Variants in NPHP4 observed in about 807,000 individuals in gnomAD.
NPHP4 encodes the protein nephrocystin-4.
In NPHP4, 151 loss-of-function variants were observed where a neutral mutation model predicts 155.8. That is an observed-to-expected ratio of 0.97 (90% CI 0.85 to 1.11). NPHP4 has a LOEUF of 1.11. NPHP4 is among the 50% of genes least tolerant of loss of function. NPHP4 has a pLI of 0.00. For missense variants in NPHP4, 1,956 were observed against 1,925.7 expected, an observed-to-expected ratio of 1.02 and a Z score of -0.29; for synonymous variants, 845 against 816.8, an observed-to-expected ratio of 1.03 and a Z score of -0.59.
At chr1:5,883,751 C>T (rs953142745) in intron 18 of NPHP4, among the ~76,000 whole-genome samples, 4 of 152,304 alleles carry the variant, frequency 2.6e-5, no homozygotes, top group Non-Finnish European at 4.4e-5. Flanking sequence ...TTCCCTGAAT[C>T]GCAGACGAGG....
At chr1:5,873,921 C>T (rs959824916) in intron 22 of NPHP4, 8 of 212,446 alleles carry the variant, frequency 3.8e-5, no homozygotes, top group East Asian at 3.2e-4. Flanking sequence ...CTCCTGCACG[C>T]GTGCCTCACA....
intron 2 of NPHP4, among the ~76,000 whole-genome samples, chr1:5,982,079 T>A (rs996241298): frequency 2.0e-5 from 3 of 152,230 alleles, no homozygotes; most frequent in African/African-American, 7.2e-5. Flanking sequence ...GATGCTTCTT[T>A]CATTTTAATA....
chr1:5,883,062 C>T (rs935995098), intron 18 of NPHP4, among the ~76,000 whole-genome samples: 6 of 149,308 alleles, frequency 4.0e-5, no homozygotes, highest in African/African-American at 1.5e-4. Flanking sequence ...GCTTTCATCA[C>T]TCTCTCCACC....
chr1:5,913,794 A>C (rs1645312340), intron 11 of NPHP4, among the ~76,000 whole-genome samples: 1 of 152,222 alleles, frequency 6.6e-6, no homozygotes, highest in Non-Finnish European at 1.5e-5. Context: ...AATAATGCTC[A>C]AATATACTCA....
At position 5,863,331 on chromosome 1, in the gene NPHP4, C is replaced by G; in HGVS notation, c.4215G>C (p.Leu1405=). The G allele has an allele frequency of 6.2e-7, 1 of 1,613,992 alleles. No individual in the cohort carries two copies. The change falls in exon 30 of 30, where the codon CTG becomes CTC. Residue 1405 remains leucine, a synonymous_variant. Transcript: ENST00000378156. ...TGTCCTCATGGTCATTGATGTAGAT[C>G]AGGATCTCCTCCTCACCCACTCTCT... is the stretch of plus-strand genomic sequence containing the variant. ...PSQRVGEEEI[L]IYINDHEDKN... is the part of the protein sequence containing the mutation.
At chr1:5,950,489 G>A (rs2101972195) in intron 7 of NPHP4, among the ~76,000 whole-genome samples, 1 of 152,342 alleles carries the variant, frequency 6.6e-6, no homozygotes, top group Middle Eastern at 3.4e-3. Context: ...GATCTTTAAA[G>A]CCATACCCTT....
At chr1:5,875,133 C>G in intron 20 of NPHP4, 33 bp from the exon 21 acceptor site, 1 of 1,510,342 alleles carries the variant, frequency 6.6e-7, no homozygotes, top group Non-Finnish European at 9.0e-7. Flanking sequence ...GGACAGGGTC[C>G]CAGGCACACT....
chr1:5,899,112 A>G (rs1174099929), intron 16 of NPHP4, among the ~76,000 whole-genome samples: 3 of 152,178 alleles, frequency 2.0e-5, no homozygotes, highest in Non-Finnish European at 4.4e-5. Flanking sequence ...GCACGAGGGA[A>G]ACCTGCTTGG....
rs1640880415 is a variant in NPHP4 at position 5,863,727 on chromosome 1, A to G, written c.4140+163T>C. 30 of 722,934 alleles carry G rather than the reference A, an allele frequency of 4.1e-5. No homozygotes were observed. The South Asian group carries it at 4.9e-4, about 12-fold the overall frequency. The allele number at this position is 722,934 out of a possible 1,614,324, so 44.8% of individuals were successfully genotyped here. ...TTTGCTAAATCTCCAGCTACTAAAG[A>G]TACAACGGGCCCACCCAACTATGGG... On this transcript the variant is annotated intron_variant, in intron 29 of 29. Transcript: ENST00000378156.
intron 9 of NPHP4, among the ~76,000 whole-genome samples, chr1:5,946,109 C>T (rs562928943): frequency 2.6e-5 from 4 of 152,320 alleles, no homozygotes; most frequent in African/African-American, 9.6e-5. Flanking sequence ...ATATGCAGGA[C>T]AAAACCTAGT....
At chr1:5,912,089 C>T (rs1294641841) in intron 11 of NPHP4, among the ~76,000 whole-genome samples, 2 of 152,298 alleles carry the variant, frequency 1.3e-5, no homozygotes, top group Middle Eastern at 6.8e-3. Flanking sequence ...GGCAGCGCTG[C>T]GACAACAGCA....
chr1:5,986,906 G>A (rs577717418), intron 1 of NPHP4, among the ~76,000 whole-genome samples: 1 of 152,034 alleles, frequency 6.6e-6, no homozygotes, highest in Non-Finnish European at 1.5e-5. Flanking sequence ...TACAGTCCTA[G>A]CGTTAAGACT....
At chr1:5,978,195 G>A (rs1416636765) in intron 3 of NPHP4, 75 bp downstream of exon 3, 1 of 1,421,484 alleles carries the variant, frequency 7.0e-7, no homozygotes, top group Non-Finnish European at 9.6e-7. Context: ...CCCAGTCTCT[G>A]GGCTGCCACC....
At chr1:5,869,263 A>T (rs1641743996) in intron 23 of NPHP4, among the ~76,000 whole-genome samples, 2 of 147,892 alleles carry the variant, frequency 1.4e-5, no homozygotes, top group South Asian at 4.4e-4. Context: ...ATGCACACCC[A>T]CATGCATGCA....
chr1:5,902,788 C>T (rs1208598285), intron 16 of NPHP4, among the ~76,000 whole-genome samples: 1 of 152,180 alleles, frequency 6.6e-6, no homozygotes, highest in African/African-American at 2.4e-5. Flanking sequence ...ATTATTTTGT[C>T]ATTCAGTTTT....
intron 6 of NPHP4, among the ~76,000 whole-genome samples, chr1:5,954,585 C>T (rs1648821849): frequency 6.6e-6 from 1 of 152,160 alleles, no homozygotes; most frequent in African/African-American, 2.4e-5. Flanking sequence ...GCCAAGAACA[C>T]GCACTGGGGA....
chr1:5,972,901 T>C (rs1024025100), intron 3 of NPHP4, among the ~76,000 whole-genome samples: 1 of 151,988 alleles, frequency 6.6e-6, no homozygotes, highest in African/African-American at 2.4e-5. Context: ...TTTTCTTTTT[T>C]TTGACAGAGT....
chr1:5,918,558 C>T (rs913329296), intron 11 of NPHP4, among the ~76,000 whole-genome samples: 6 of 152,064 alleles, frequency 3.9e-5, no homozygotes, highest in African/African-American at 1.4e-4. Flanking sequence ...AACAAGAGAA[C>T]CAGTAAGTAA....
At chr1:5,979,875 A>T (rs992810081) in intron 2 of NPHP4, among the ~76,000 whole-genome samples, 13 of 152,088 alleles carry the variant, frequency 8.5e-5, no homozygotes, top group Admixed American at 2.6e-4. Flanking sequence ...TGACGAGATA[A>T]GACTGTCCCC....
Sources: gnomAD v4.1 joint callset for allele counts (sites outside exome capture counted in the v4.1 genomes callset) on GRCh38, gnomAD v4.1.1 for gene constraint, MANE v1.5 for transcripts, NCBI Gene and HGNC (gene_info 2026-07-23, HGNC 2026-07-21) for gene names.